Variants in OPCML observed in about 807,000 individuals in gnomAD.
OPCML encodes the protein opioid-binding protein/cell adhesion molecule.
In OPCML, 13 loss-of-function variants were observed where a neutral mutation model predicts 37.8. The observed-to-expected ratio is 0.34, with a 90% CI of 0.22 to 0.55. The LOEUF is 0.55. Among genes scored for constraint, OPCML ranks in the 20% least tolerant of loss-of-function variants. OPCML has a pLI of 0.91. For missense variants in OPCML, 341 were observed against 435.6 expected (o/e 0.78, Z 1.93); for synonymous variants, 176 against 168.8 (o/e 1.04, Z -0.33).
intron 1 of OPCML, among the ~76,000 whole-genome samples, chr11:133,425,258 A>G (rs954030175): frequency 4.0e-4 from 61 of 152,104 alleles, no homozygotes; most frequent in Admixed American, 3.8e-3. Flanking sequence ...TCACATAAAT[A>G]TCTCATCTTT....
intron 1 of OPCML, among the ~76,000 whole-genome samples, chr11:133,467,789 C>T (rs1175954588): frequency 6.6e-6 from 1 of 152,114 alleles, no homozygotes; most frequent in Non-Finnish European, 1.5e-5. Flanking sequence ...ACTTCTTTGG[C>T]CAATTGCTCA....
chr11:132,601,520 C>A lies in OPCML; in HGVS notation c.379+55567G>T, dbSNP rs190306966. ...CCACGTAACCCTCCATCCTTCTCCT[C>A]ACCTTGCATCCCATCAGAACTAACA... On this transcript the variant is annotated intron_variant, in intron 3 of 7. Coordinates refer to ENST00000524381, the MANE Select transcript of OPCML (RefSeq NM_001012393.5). Among the ~76,000 whole-genome samples the A allele has an allele frequency of 5.3e-5, 8 of 152,310 alleles. No individual in the cohort carries two copies. In the East Asian group the frequency reaches 1.5e-3, roughly 29 times the overall value.
At chr11:133,285,020 T>C (rs573182406) in intron 1 of OPCML, among the ~76,000 whole-genome samples, 36 of 152,102 alleles carry the variant, frequency 2.4e-4, no homozygotes, top group African/African-American at 7.2e-4. Context: ...TGTTACGAGA[T>C]ACATAAACAA....
At chr11:133,409,776 A>G (rs1945604886) in intron 1 of OPCML, among the ~76,000 whole-genome samples, 3 of 152,182 alleles carry the variant, frequency 2.0e-5, no homozygotes, top group Admixed American at 2.0e-4. Flanking sequence ...AGCACTATGC[A>G]CCATGCTAGG....
chr11:133,271,693 A>G (rs1941840186), intron 1 of OPCML, among the ~76,000 whole-genome samples: 1 of 152,226 alleles, frequency 6.6e-6, no homozygotes, highest in Non-Finnish European at 1.5e-5. Context: ...CCCCTATGCA[A>G]TATCACCAGT....
chr11:133,159,597 C>CA (rs1386480106), intron 1 of OPCML, among the ~76,000 whole-genome samples: 1 of 152,198 alleles, frequency 6.6e-6, no homozygotes, highest in Non-Finnish European at 1.5e-5. Context: ...GTCATGCGGC[C>CA]AATCTTGCAT....
intron 1 of OPCML, among the ~76,000 whole-genome samples, chr11:133,380,074 G>A (rs1197516450): frequency 6.6e-6 from 1 of 152,164 alleles, no homozygotes; most frequent in Non-Finnish European, 1.5e-5. Context: ...ATACAAAGAT[G>A]AGTACAACAT....
At chr11:133,354,124 GAATC>G (rs1353053928) in intron 1 of OPCML, among the ~76,000 whole-genome samples, 1 of 109,074 alleles carries the variant, frequency 9.2e-6, no homozygotes, top group Non-Finnish European at 1.9e-5. Context: ...TAAGTCTGCA[GAATC>G]AAAGGGCGTT....
chr11:132,521,653 T>C (rs896991057), intron 4 of OPCML, among the ~76,000 whole-genome samples: 2 of 152,022 alleles, frequency 1.3e-5, no homozygotes, highest in African/African-American at 4.8e-5. Context: ...AAATACCTAA[T>C]GCATGCTGGG....
intron 4 of OPCML, among the ~76,000 whole-genome samples, chr11:132,487,030 GA>G (rs2096202106): frequency 6.6e-6 from 1 of 152,150 alleles, no homozygotes; most frequent in South Asian, 2.1e-4. Context: ...TAAGGATCAT[GA>G]TAATGCTGTA....
intron 4 of OPCML, among the ~76,000 whole-genome samples, chr11:132,476,680 G>C (rs117885528): frequency 4.0e-3 from 608 of 151,826 alleles, no homozygotes; most frequent in Admixed American, 8.5e-3. Context: ...TCACACACAG[G>C]GGACTGTTTT....
At chr11:132,713,284 A>AC (rs1460715579) in intron 2 of OPCML, among the ~76,000 whole-genome samples, 1 of 152,216 alleles carries the variant, frequency 6.6e-6, no homozygotes, top group East Asian at 1.9e-4. Context: ...CTCTAATCCT[A>AC]CAGGTGCAAC....
intron 3 of OPCML, among the ~76,000 whole-genome samples, chr11:132,655,654 G>A (rs965389314): frequency 6.6e-6 from 1 of 152,222 alleles, no homozygotes; most frequent in Non-Finnish European, 1.5e-5. Context: ...GCATGGCAGT[G>A]CCAAGGACTG....
intron 1 of OPCML, among the ~76,000 whole-genome samples, chr11:133,343,558 CT>C (rs1565582921): frequency 1.3e-5 from 2 of 152,042 alleles, no homozygotes; most frequent in Admixed American, 6.6e-5. Flanking sequence ...TGAGAGGGAA[CT>C]TTTTTTCTCT....
In OPCML at chr11:133,141,095, G is replaced by GAAGAAGAAGAAGAAGAAGA. The variant is rs1565469375; in HGVS notation, c.62-198086_62-198085insTCTTCTTCTTCTTCTTCTT. 6.3e-3 allele frequency among the ~76,000 whole-genome samples: 81 copies of GAAGAAGAAGAAGAAGAAGA among 12,930 alleles called. 32 individuals are homozygous for GAAGAAGAAGAAGAAGAAGA. The highest frequency in any genetic ancestry group is 9.1e-3 in the African/African-American group (65 of 7,130). The allele number at this position is 12,930 out of a possible 152,430, so 8.5% of individuals were successfully genotyped here. A position where few individuals can be genotyped will look rare whatever the true frequency, so the allele number is the denominator to read the frequency against. On this transcript the variant is annotated intron_variant, in intron 1 of 7. Transcript: ENST00000524381. ...GAAGAAGAAGAAGAAGAAGAAGAAGGAGAAGAAGAAGCAGCTGAATGCCAA... is the reference window on the plus strand; with the variant it reads ...GAAGAAGAAGAAGAAGAAGAAGAAGGAAGAAGAAGAAGAAGAAGAAGAAGAAGAAGCAGCTGAATGCCAA...
At chr11:132,579,383 A>ATG (rs1491229570) in intron 3 of OPCML, among the ~76,000 whole-genome samples, 30 of 101,270 alleles carry the variant, frequency 3.0e-4, no homozygotes, top group Non-Finnish European at 1.9e-4. Context: ...GTTAGAATGA[A>ATG]TATGTGTGTG....
intron 1 of OPCML, among the ~76,000 whole-genome samples, chr11:133,111,961 ATAT>A (rs1225067900): frequency 6.6e-6 from 1 of 152,160 alleles, no homozygotes; most frequent in African/African-American, 2.4e-5. Flanking sequence ...GCAGTGAAGG[ATAT>A]TATTTTTTTC....
At chr11:133,160,040 A>G (rs777461540) in intron 1 of OPCML, among the ~76,000 whole-genome samples, 1 of 152,208 alleles carries the variant, frequency 6.6e-6, no homozygotes. Context: ...TTAATCACAT[A>G]ATGTCTTTTA....
chr11:132,752,924 T>G (rs1376345314), intron 2 of OPCML, among the ~76,000 whole-genome samples: 1 of 152,220 alleles, frequency 6.6e-6, no homozygotes, highest in East Asian at 1.9e-4. Context: ...TCCACTATTG[T>G]AATCATAGCC....
Sources: gnomAD v4.1 joint callset for allele counts (sites outside exome capture counted in the v4.1 genomes callset) on GRCh38, gnomAD v4.1.1 for gene constraint, MANE v1.5 for transcripts, NCBI Gene and HGNC (gene_info 2026-07-23, HGNC 2026-07-21) for gene names.